The following ITGB3 variants were observed in gnomAD, a reference collection of about 807,000 sequenced individuals.
ITGB3 encodes integrin beta-3.
ITGB3 carries 48 observed loss-of-function variants against 85.8 expected under a neutral mutation model. The ratio of observed to expected loss-of-function variants is 0.56; its 90% CI spans 0.44 to 0.71. The LOEUF (loss-of-function observed/expected upper bound fraction) is 0.71, where lower values mean the gene tolerates loss of function less well. Ranked by LOEUF, ITGB3 falls within the 30% of genes least tolerant of loss-of-function variation. The pLI is 0.00. For missense variants in ITGB3, 861 were observed against 1,019.1 expected (o/e 0.84, Z 2.11); for synonymous variants, 363 against 395.6 (o/e 0.92, Z 0.98).
At chr17:47,258,742 GC>G (rs543316800) in intron 1 of ITGB3, among the ~76,000 whole-genome samples, 5 of 152,052 alleles carry the variant, frequency 3.3e-5, no homozygotes, top group East Asian at 1.9e-4. Context: ...TGTGCCAGGT[GC>G]CCCCCCAGCT....
At position 47,312,829 on chromosome 17, in the gene ITGB3, A is replaced by G. The variant is rs2065220899; in HGVS notation, c.*2625A>G. Among the ~76,000 whole-genome samples the G allele has an allele frequency of 6.6e-6, 1 of 152,202 alleles. No homozygotes were observed. The highest frequency in any genetic ancestry group is 1.5e-5 in the Non-Finnish European group (1 of 68,028). On this transcript the variant is annotated 3_prime_UTR_variant, in exon 15 of 15. Transcript: ENST00000559488. ...GTTCTGGCATCAGATAACACGGCAC[A>G]AAGGGATTGTGTCTAGCTCTTTTGG...
At position 47,312,709 on chromosome 17, in the gene ITGB3, C is replaced by T. The variant is rs560559052; in HGVS notation, c.*2505C>T. On this transcript the variant is annotated 3_prime_UTR_variant, in exon 15 of 15. Transcript: ENST00000559488. ...GAATGAAGTTCACAGGTCTTGAAGA[C>T]CAATATTATTTGTCAATATGTGGGG... Among the ~76,000 whole-genome samples the T allele has an allele frequency of 3.3e-5, 5 of 152,154 alleles. No homozygotes were observed. The highest frequency in any genetic ancestry group is 9.7e-5 in the African/African-American group (4 of 41,426).
chr17:47,254,089 G>A (rs1189541796), intron 1 of ITGB3, 149 bp downstream of exon 1: 5 of 458,384 alleles, frequency 1.1e-5, no homozygotes, highest in African/African-American at 4.1e-5. Flanking sequence ...GGTCGGAGCC[G>A]GGAGCTGGGG....
rs995210520 is a variant in ITGB3, at chr17:47,286,551, A to G, written c.777+129A>G. The stretch of plus-strand genomic sequence containing the variant: ...CTAAGCAGGGCTTCCTGCAGTTATG[A>G]GTAGTAAGTTGCTCCTGATATTCAG... On this transcript the variant is annotated intron_variant, in intron 5 of 14. Coordinates refer to ENST00000559488, the MANE Select transcript of ITGB3 (RefSeq NM_000212.3). 4 of 1,130,026 alleles carry G rather than the reference A, an allele frequency of 3.5e-6. No individual in the cohort carries two copies. The African/African-American group carries it at 6.1e-5, about 17-fold the overall frequency. The allele number at this position is 1,130,026 out of a possible 1,614,324, so 70.0% of individuals were successfully genotyped here. A position where few individuals can be genotyped will look rare whatever the true frequency, so the allele number is the denominator to read the frequency against.
chr17:47,289,088 G>C (rs574894176), intron 6 of ITGB3, among the ~76,000 whole-genome samples: 1 of 152,290 alleles, frequency 6.6e-6, no homozygotes, highest in African/African-American at 2.4e-5. Flanking sequence ...TGGAAAGAAA[G>C]ACTGAGACCA....
intron 10 of ITGB3, among the ~76,000 whole-genome samples, chr17:47,297,137 G>GT (rs1270345743): frequency 2.6e-5 from 4 of 152,218 alleles, no homozygotes; most frequent in African/African-American, 9.6e-5. Context: ...CATTTTCTCT[G>GT]TAAGTTAGAG....
chr17:47,267,442 C>A (rs1362150945), intron 1 of ITGB3, among the ~76,000 whole-genome samples: 3 of 152,172 alleles, frequency 2.0e-5, no homozygotes, highest in Non-Finnish European at 4.4e-5. Flanking sequence ...GGGCTCAGAA[C>A]AACAACTCAT....
intron 2 of ITGB3, among the ~76,000 whole-genome samples, chr17:47,279,194 C>G (rs1011960775): frequency 1.4e-4 from 21 of 152,298 alleles, no homozygotes; most frequent in Non-Finnish European, 3.1e-4. Flanking sequence ...TCGCAGGGCG[C>G]TGGCTGGAAC....
chr17:47,309,593 C>T (rs749311889), intron 14 of ITGB3, among the ~76,000 whole-genome samples: 1 of 152,016 alleles, frequency 6.6e-6, no homozygotes, highest in Non-Finnish European at 1.5e-5. Flanking sequence ...GAATATAGCT[C>T]CTTAGAAATA....
chr17:47,308,784 C>G (rs552732401), intron 14 of ITGB3, among the ~76,000 whole-genome samples: 2 of 152,278 alleles, frequency 1.3e-5, no homozygotes, highest in South Asian at 4.2e-4. Flanking sequence ...CAGGCGTGAG[C>G]CACTGCGCCT....
Position 47,284,656 on chromosome 17 carries a change from A to G in ITGB3, c.575A>G (p.Tyr192Cys), listed in dbSNP as rs777168504. The G allele has an allele frequency of 3.7e-6, 6 of 1,614,128 alleles. No homozygotes were observed. In the South Asian group the frequency reaches 4.4e-5, roughly 12 times the overall value. The change falls in exon 4 of 15, where the codon TAT becomes TGT. Residue 192 changes from tyrosine to cysteine, a missense_variant. Coordinates refer to ENST00000559488, the MANE Select transcript of ITGB3 (RefSeq NM_000212.3). ...FVDKPVSPYMYISPPEALENP... is the reference protein window; with the variant it reads ...FVDKPVSPYMCISPPEALENP... ...GACAAGCCTGTGTCACCATACATGT[A>G]TATCTCCCCACCAGAGGCCCTCGAA... is the stretch of plus-strand genomic sequence containing the variant.
At chr17:47,254,598 C>A (rs1277889338) in intron 1 of ITGB3, among the ~76,000 whole-genome samples, 1 of 152,186 alleles carries the variant, frequency 6.6e-6, no homozygotes, top group African/African-American at 2.4e-5. Context: ...CCAGGGCAGA[C>A]CCTGCACCCG....
intron 1 of ITGB3, among the ~76,000 whole-genome samples, chr17:47,262,230 T>A (rs1344781895): frequency 1.3e-5 from 2 of 152,178 alleles, no homozygotes; most frequent in African/African-American, 4.8e-5. Flanking sequence ...CGGCCTGCTG[T>A]CCACACCCAT....
chr17:47,275,884 C>G (rs969870594), intron 2 of ITGB3, among the ~76,000 whole-genome samples: 3 of 152,294 alleles, frequency 2.0e-5, no homozygotes, highest in Non-Finnish European at 2.9e-5. Context: ...CCTTCTCCCC[C>G]ACCCCCGCAG....
At position 47,254,487 on chromosome 17, in the gene ITGB3, C is replaced by CT. The variant is rs1464208493; in HGVS notation, c.79+555dup. On this transcript the variant is annotated intron_variant, in intron 1 of 14. Transcript: ENST00000559488. ...CTTTTCCTTTTTTCTTTCTTTCTTTCTTTTTTTTACCTTCAACTTGGCTTC... is the reference window on the plus strand; with the variant it reads ...CTTTTCCTTTTTTCTTTCTTTCTTTCTTTTTTTTTACCTTCAACTTGGCTTC... 7.9e-5 allele frequency among the ~76,000 whole-genome samples: 12 copies of CT among 152,048 alleles called. No individual in the cohort carries two copies. In the East Asian group the frequency reaches 1.4e-3, roughly 17 times the overall value.
chr17:47,291,959 T>C (rs1489688658), intron 9 of ITGB3, among the ~76,000 whole-genome samples, 180 bp from the exon 10 acceptor site: 2 of 152,240 alleles, frequency 1.3e-5, no homozygotes, highest in African/African-American at 4.8e-5. Flanking sequence ...ATTCCCGTGC[T>C]TGTGTTTTTG....
intron 1 of ITGB3, among the ~76,000 whole-genome samples, chr17:47,269,631 T>C (rs2065037510): frequency 6.6e-6 from 1 of 152,168 alleles, no homozygotes; most frequent in Non-Finnish European, 1.5e-5. Context: ...ATTCAACAAG[T>C]CTCTAGGAAG....
intron 10 of ITGB3, among the ~76,000 whole-genome samples, chr17:47,296,766 T>C (rs1295075314): frequency 2.0e-5 from 3 of 152,150 alleles, no homozygotes; most frequent in African/African-American, 7.2e-5. Flanking sequence ...CAAAAAATTA[T>C]CTGGCCCCAA....
rs1457343608 is a variant in ITGB3 at position 47,289,671 on chromosome 17, A to G, written c.940-10A>G. 3.1e-6 allele frequency: 5 copies of G among 1,598,312 alleles called. No individual in the cohort carries two copies. Among genetic ancestry groups the G allele is most frequent in the Non-Finnish European group, 4.3e-6 (5 of 1,165,662 alleles). ...GACGTCATTAACCTCTACATCCTTC[A>G]TTTTCCTAGGATTATCCCTCTTTGG... On this transcript the variant is annotated splice_polypyrimidine_tract_variant and intron_variant, in intron 6 of 14. Coordinates refer to ENST00000559488, the MANE Select transcript of ITGB3 (RefSeq NM_000212.3).
Sources: gnomAD v4.1 joint callset for allele counts (sites outside exome capture counted in the v4.1 genomes callset) on GRCh38, gnomAD v4.1.1 for gene constraint, MANE v1.5 for transcripts, NCBI Gene and HGNC (gene_info 2026-07-23, HGNC 2026-07-21) for gene names.